TSEN15: variants seen among roughly 807,000 people sequenced by gnomAD.
TSEN15 encodes tRNA-splicing endonuclease subunit Sen15.
In TSEN15, 10 loss-of-function variants were observed where a neutral mutation model predicts 20.5. The observed-to-expected ratio is 0.49, with a 90% CI of 0.30 to 0.83. The LOEUF (loss-of-function observed/expected upper bound fraction) is 0.83. TSEN15 is among the 40% of genes least tolerant of loss of function. The pLI is 0.06. For synonymous variants in TSEN15, 72 were observed against 80.1 expected (o/e 0.90, Z 0.54); for missense variants, 180 against 218.6 (o/e 0.82, Z 1.11).
chr1:184,053,117 A>G (rs954348315), intron 1 of TSEN15, among the ~76,000 whole-genome samples: 2 of 152,232 alleles, frequency 1.3e-5, no homozygotes, highest in Non-Finnish European at 2.9e-5. Context: ...TTCAGTTTAT[A>G]TACTTGTAGA....
chr1:184,083,413 A>T (rs777291110), intron 3 of TSEN15, among the ~76,000 whole-genome samples: 3 of 152,222 alleles, frequency 2.0e-5, no homozygotes, highest in Non-Finnish European at 4.4e-5. Context: ...TGATAAGTTT[A>T]CTTATTATTT....
chr1:184,058,832 T>C (rs1187713221), intron 3 of TSEN15, among the ~76,000 whole-genome samples: 1 of 152,146 alleles, frequency 6.6e-6, no homozygotes, highest in African/African-American at 2.4e-5. Context: ...TCTACATAAA[T>C]TAACGATTCT....
At chr1:184,077,960 TTAA>T (rs1214159655), downstream of TSEN15, among the ~76,000 whole-genome samples, 2 of 152,134 alleles carry the variant, frequency 1.3e-5, no homozygotes, top group Non-Finnish European at 2.9e-5. Flanking sequence ...TTACATAAAC[TTAA>T]TAAAGCAGCA....
intron 3 of TSEN15, among the ~76,000 whole-genome samples, chr1:184,085,960 G>A (rs1488140890): frequency 6.6e-6 from 1 of 152,046 alleles, no homozygotes; most frequent in Non-Finnish European, 1.5e-5. Context: ...GAGAAAAGAG[G>A]AATGCAAAAC....
chr1:184,079,711 G>T (rs979885233), intron 3 of TSEN15, among the ~76,000 whole-genome samples: 2 of 152,086 alleles, frequency 1.3e-5, no homozygotes, highest in African/African-American at 4.8e-5. Flanking sequence ...CTCCCTAAAG[G>T]CCTTATCCCC....
rs147612790 is a variant in TSEN15, at chr1:184,055,401, G to A, written c.353+538G>A. ...GGGATTACAGTTCAACATGGGATTT[G>A]GGCAGGAACAAATATACAAAGTATA... On this transcript the variant is annotated intron_variant, in intron 3 of 4. Transcript: ENST00000645668. Among the ~76,000 whole-genome samples the A allele has an allele frequency of 1.5e-3, 222 of 152,254 alleles. 1 individual carries two copies. Among genetic ancestry groups the A allele is most frequent in the African/African-American group, 5.1e-3 (210 of 41,550 alleles).
At chr1:184,074,478 A>C (rs1397789175), downstream of TSEN15, among the ~76,000 whole-genome samples, 1 of 152,160 alleles carries the variant, frequency 6.6e-6, no homozygotes, top group African/African-American at 2.4e-5. Context: ...CAATGCTTAT[A>C]TGCCATTGGC....
Position 184,073,844 on chromosome 1 carries a change from A to G in TSEN15, c.*997A>G, listed in dbSNP as rs961187283. 17 of 152,316 alleles carry G rather than the reference A, an allele frequency of 1.1e-4. No individual in the cohort carries two copies. The highest frequency in any genetic ancestry group is 3.8e-4 in the African/African-American group (16 of 41,570). 9.4% of individuals were successfully genotyped at this position (152,316 alleles called of 1,614,324 possible). A position where few individuals can be genotyped will look rare whatever the true frequency, so the allele number is the denominator to read the frequency against. On this transcript the variant is annotated 3_prime_UTR_variant, in exon 5 of 5. Coordinates refer to ENST00000645668, the MANE Select transcript of TSEN15 (RefSeq NM_052965.4). Reference sequence around the variant, plus strand: ...AGCAGCCATAGACAATACATAAACAATACGGGCGTGGCTTTGTTCCAGTAA... The same window carrying G: ...AGCAGCCATAGACAATACATAAACAGTACGGGCGTGGCTTTGTTCCAGTAA...
At chr1:184,062,080 A>T (rs1240915748) in intron 3 of TSEN15, among the ~76,000 whole-genome samples, 1 of 152,170 alleles carries the variant, frequency 6.6e-6, no homozygotes, top group African/African-American at 2.4e-5. Flanking sequence ...TGGGGGAATA[A>T]AATTGATAAA....
chr1:184,058,941 A>T (rs1006252227), intron 3 of TSEN15, among the ~76,000 whole-genome samples: 1 of 151,904 alleles, frequency 6.6e-6, no homozygotes, highest in Non-Finnish European at 1.5e-5. Flanking sequence ...TCAGGCAATG[A>T]TCTAGGTGCT....
At chr1:184,071,730 CAT>C (rs559235250) in intron 3 of TSEN15, among the ~76,000 whole-genome samples, 12 of 151,886 alleles carry the variant, frequency 7.9e-5, no homozygotes, top group Non-Finnish European at 1.5e-4. Flanking sequence ...AGTAAAAAGA[CAT>C]GTGATATATA....
downstream of TSEN15, chr1:184,074,275 A>C (rs1651012844): frequency 6.6e-6 from 1 of 152,154 alleles, no homozygotes; most frequent in African/African-American, 2.4e-5. Context: ...AAATGTAGCA[A>C]CTTAAAACAG....
At position 184,054,708 on chromosome 1, in the gene TSEN15, A is replaced by G. The variant is rs375030680; in HGVS notation, c.218-20A>G. On this transcript the variant is annotated intron_variant, in intron 2 of 4. Coordinates refer to ENST00000645668, the MANE Select transcript of TSEN15 (RefSeq NM_052965.4). ...TTGTATTTAATAAACATTATTGTCC[A>G]TTCAATGATGCTCTTTCAGGCAAAA... is the stretch of plus-strand genomic sequence containing the variant. 2 of 1,609,070 alleles carry G rather than the reference A, an allele frequency of 1.2e-6. No homozygotes were observed. Among genetic ancestry groups the G allele is most frequent in the Non-Finnish European group, 1.7e-6 (2 of 1,178,642 alleles).
intron 3 of TSEN15, among the ~76,000 whole-genome samples, chr1:184,093,113 A>G (rs1168375512): frequency 2.0e-5 from 3 of 152,226 alleles, no homozygotes; most frequent in Non-Finnish European, 4.4e-5. Flanking sequence ...CAATTCTGTT[A>G]CATCTTCTTG....
chr1:184,074,752 T>C (rs1459155028), downstream of TSEN15, among the ~76,000 whole-genome samples: 3 of 152,022 alleles, frequency 2.0e-5, no homozygotes, highest in Non-Finnish European at 4.4e-5. Flanking sequence ...CACAAAATAG[T>C]ATAAAGCATC....
downstream of TSEN15, among the ~76,000 whole-genome samples, chr1:184,077,289 C>T (rs181296410): frequency 1.6e-4 from 25 of 152,182 alleles, no homozygotes; most frequent in African/African-American, 6.0e-4. Flanking sequence ...ACAATGATGC[C>T]TGGATGAAAG....
chr1:184,077,659 A>C (rs971990150), downstream of TSEN15, among the ~76,000 whole-genome samples: 1 of 152,188 alleles, frequency 6.6e-6, no homozygotes, highest in African/African-American at 2.4e-5. Context: ...TTTGTGATTC[A>C]TGGGAAGAGG....
chr1:184,071,157 A>G (rs901418002), intron 3 of TSEN15: 1 of 152,062 alleles, frequency 6.6e-6, no homozygotes, highest in African/African-American at 2.4e-5. Context: ...CTTCATTTCA[A>G]GTATCCTTGA....
At chr1:184,083,697 A>G (rs1168186430) in intron 3 of TSEN15, among the ~76,000 whole-genome samples, 2 of 152,134 alleles carry the variant, frequency 1.3e-5, no homozygotes, top group Non-Finnish European at 2.9e-5. Context: ...ATAACCAAGA[A>G]TGTTGCTTTT....
Sources: gnomAD v4.1 joint callset for allele counts (sites outside exome capture counted in the v4.1 genomes callset) on GRCh38, gnomAD v4.1.1 for gene constraint, MANE v1.5 for transcripts, NCBI Gene and HGNC (gene_info 2026-07-23, HGNC 2026-07-21) for gene names.